Variants in PID1 observed in about 807,000 individuals in gnomAD.
PID1 encodes PTB-containing, cubilin and LRP1-interacting protein.
PID1 carries 10 observed loss-of-function variants against 19.1 expected under a neutral mutation model. The observed-to-expected ratio is 0.52, with a 90% CI of 0.32 to 0.89. The LOEUF (loss-of-function observed/expected upper bound fraction) is 0.89. Ranked by LOEUF, PID1 falls within the 40% of genes least tolerant of loss-of-function variation. PID1 has a pLI of 0.03. For synonymous variants in PID1, 130 were observed against 116.0 expected (o/e 1.12, Z -0.78); for missense variants, 248 against 285.3 (o/e 0.87, Z 0.94).
intron 1 of PID1, among the ~76,000 whole-genome samples, chr2:229,174,808 A>G (rs1388227014): frequency 1.3e-5 from 2 of 152,164 alleles, no homozygotes; most frequent in Admixed American, 6.5e-5. Context: ...AACAACTCAT[A>G]GAGGCAAAGG....
At chr2:229,056,144 A>G (rs1234604355) in intron 2 of PID1, among the ~76,000 whole-genome samples, 1 of 152,168 alleles carries the variant, frequency 6.6e-6, no homozygotes, top group African/African-American at 2.4e-5. Flanking sequence ...GGTCTCAAGA[A>G]TGTTTTTCAT....
chr2:229,105,410 C>T (rs1169141798), intron 2 of PID1, among the ~76,000 whole-genome samples: 1 of 152,216 alleles, frequency 6.6e-6, no homozygotes, highest in African/African-American at 2.4e-5. Flanking sequence ...TCTCTCCCCT[C>T]AAGAGAGAAG....
At chr2:229,101,606 T>G (rs1695076201) in intron 2 of PID1, among the ~76,000 whole-genome samples, 1 of 152,246 alleles carries the variant, frequency 6.6e-6, no homozygotes, top group African/African-American at 2.4e-5. Context: ...AGGAGGCCAG[T>G]CCTATTATCA....
chr2:229,249,886 G>A (rs191172200), intron 1 of PID1, among the ~76,000 whole-genome samples: 2 of 152,138 alleles, frequency 1.3e-5, no homozygotes, highest in African/African-American at 2.4e-5. Flanking sequence ...TCAAAGTTAC[G>A]AAACAACATT....
At chr2:229,128,549 TAAC>T (rs1689636438) in intron 2 of PID1, among the ~76,000 whole-genome samples, 1 of 152,118 alleles carries the variant, frequency 6.6e-6, no homozygotes, top group Non-Finnish European at 1.5e-5. Flanking sequence ...TTACACCAGA[TAAC>T]AACACTTGAA....
chr2:229,060,970 G>C (rs927310572), intron 2 of PID1, among the ~76,000 whole-genome samples: 16 of 151,890 alleles, frequency 1.1e-4, no homozygotes, highest in African/African-American at 3.9e-4. Flanking sequence ...TTGTTTTCTT[G>C]TTATTGGGTT....
intron 1 of PID1, among the ~76,000 whole-genome samples, chr2:229,209,812 T>G (rs1255382390): frequency 6.6e-6 from 1 of 152,190 alleles, no homozygotes; most frequent in South Asian, 2.1e-4. Context: ...AGTCCCTCCA[T>G]GCCTACTCAG....
intron 2 of PID1, among the ~76,000 whole-genome samples, chr2:229,107,517 A>G (rs988741611): frequency 6.6e-6 from 1 of 151,946 alleles, no homozygotes; most frequent in Admixed American, 6.6e-5. Context: ...AAAAAAAAAA[A>G]AAAGAAAAAA....
At chr2:229,175,055 T>A (rs1051895400) in intron 1 of PID1, among the ~76,000 whole-genome samples, 1 of 152,206 alleles carries the variant, frequency 6.6e-6, no homozygotes, top group Non-Finnish European at 1.5e-5. Context: ...TTGCCAGCCA[T>A]GGGAATAAGC....
At chr2:229,232,788 AATATATATAT>A (rs3997299) in intron 1 of PID1, among the ~76,000 whole-genome samples, 28,412 of 139,668 alleles carry the variant, frequency 0.2, 2,967 homozygotes, top group Admixed American at 0.26. Context: ...CACACACATA[AATATATATAT>A]ATATATATAT....
chr2:229,139,923 TG>T (rs1689975966), intron 2 of PID1, among the ~76,000 whole-genome samples: 1 of 152,136 alleles, frequency 6.6e-6, no homozygotes, highest in Non-Finnish European at 1.5e-5. Flanking sequence ...ACCCTCCACA[TG>T]GGGGCCAAGA....
chr2:229,153,369 A>T (rs1196290435), intron 2 of PID1, among the ~76,000 whole-genome samples: 3 of 152,350 alleles, frequency 2.0e-5, no homozygotes, highest in South Asian at 2.1e-4. Context: ...CTCCAGGGTC[A>T]TGATTATCTA....
chr2:229,104,171 A>G (rs1352397918), intron 2 of PID1, among the ~76,000 whole-genome samples: 5 of 152,206 alleles, frequency 3.3e-5, no homozygotes, highest in Admixed American at 1.3e-4. Flanking sequence ...AAGGAAATTC[A>G]CATGGCCTGC....
At chr2:229,038,927 G>T (rs191467839) in intron 2 of PID1, among the ~76,000 whole-genome samples, 17 of 152,134 alleles carry the variant, frequency 1.1e-4, no homozygotes, top group Admixed American at 9.8e-4. Context: ...GCCTAGAATC[G>T]GTAAACAAAC....
chr2:229,071,970 T>G (rs901145824), intron 2 of PID1, among the ~76,000 whole-genome samples: 1 of 152,202 alleles, frequency 6.6e-6, no homozygotes, highest in African/African-American at 2.4e-5. Flanking sequence ...ATATAGAAAT[T>G]TTCTCATTTT....
chr2:229,092,254 GGT>G (rs1361437189), intron 2 of PID1, among the ~76,000 whole-genome samples: 1 of 152,056 alleles, frequency 6.6e-6, no homozygotes, highest in Non-Finnish European at 1.5e-5. Context: ...GTACGGTGGT[GGT>G]ACAAAGGTGG....
intron 1 of PID1, among the ~76,000 whole-genome samples, chr2:229,178,457 GT>G (rs1035895406): frequency 1.3e-5 from 2 of 151,824 alleles, no homozygotes; most frequent in Admixed American, 6.6e-5. Context: ...TCTTCAATTA[GT>G]TTTTTTTAAG....
At chr2:229,202,645 G>T (rs1450906654) in intron 1 of PID1, among the ~76,000 whole-genome samples, 1 of 152,050 alleles carries the variant, frequency 6.6e-6, no homozygotes, top group Non-Finnish European at 1.5e-5. Flanking sequence ...TATAATATAA[G>T]CTAAATCTTC....
At chr2:229,234,390 A>G (rs535240100) in intron 1 of PID1, among the ~76,000 whole-genome samples, 8 of 152,328 alleles carry the variant, frequency 5.3e-5, no homozygotes, top group South Asian at 4.1e-4. Context: ...TAGTGATGCC[A>G]TGTGAGACAG....
Sources: allele counts gnomAD v4.1 joint callset (sites outside exome capture counted in the v4.1 genomes callset), GRCh38; gene constraint gnomAD v4.1.1; transcripts MANE v1.5; gene names NCBI Gene and HGNC (gene_info 2026-07-23, HGNC 2026-07-21).